RELCH: variants seen among roughly 807,000 people sequenced by gnomAD.
The protein encoded by RELCH is RAB11 binding and LisH domain, coiled-coil and HEAT repeat containing, also known as RAB11-binding protein RELCH.
Under a neutral mutation model 150.3 loss-of-function variants are expected in RELCH, and 41 were observed. The observed-to-expected ratio is 0.27, with a 90% confidence interval of 0.21 to 0.35. The LOEUF is 0.35. RELCH is among the 10% of genes least tolerant of loss of function. The pLI is 1.00. For missense variants in RELCH, 1,092 were observed against 1,467.8 expected (o/e 0.74, Z 4.18); for synonymous variants, 478 against 531.8 (o/e 0.90, Z 1.39).
chr18:62,282,401 T>C lies in RELCH; in HGVS notation c.3210T>C (p.Phe1070=). ...TGCATACAGAGATCATAAAAACATT[T>C]GGTAGAGTTGGCCCTAACGCAGAAC... ...HSLHTEIIKT[F]GRVGPNAEPR... The change falls in exon 25 of 29, where the codon TTT becomes TTC. Residue 1070 remains phenylalanine, a synonymous_variant. Transcript: ENST00000644646. 1.2e-6 allele frequency: 2 copies of C among 1,612,992 alleles called. No individual in the cohort carries two copies. Among genetic ancestry groups the C allele is most frequent in the Non-Finnish European group, 1.7e-6 (2 of 1,179,688 alleles).
chr18:62,244,587 CA>C (rs1181580887), intron 10 of RELCH, among the ~76,000 whole-genome samples, 176 bp from the exon 11 acceptor site: 1 of 152,186 alleles, frequency 6.6e-6, no homozygotes, highest in East Asian at 1.9e-4. Flanking sequence ...ACAACCAACA[CA>C]TAAACGTTTT....
chr18:62,207,731 G>C (rs1029386828), intron 1 of RELCH, among the ~76,000 whole-genome samples: 3 of 152,106 alleles, frequency 2.0e-5, no homozygotes, highest in Non-Finnish European at 2.9e-5. Context: ...GTGGTTCTCT[G>C]TGCATTTACA....
At chr18:62,206,852 A>G (rs1339526019) in intron 1 of RELCH, among the ~76,000 whole-genome samples, 4 of 131,196 alleles carry the variant, frequency 3.0e-5, no homozygotes, top group Non-Finnish European at 6.1e-5. Flanking sequence ...CTATTCATAC[A>G]CAACTTGTCC....
chr18:62,201,089 T>G (rs2039411561), intron 1 of RELCH, among the ~76,000 whole-genome samples: 1 of 144,492 alleles, frequency 6.9e-6, no homozygotes, highest in Non-Finnish European at 1.5e-5. Context: ...TTCTCCTGCC[T>G]CAGCCTCCCA....
rs918725237 is a variant in RELCH at position 62,308,956 on chromosome 18, CT to C, written c.*3423del. On this transcript the variant is annotated 3_prime_UTR_variant, in exon 29 of 29. Coordinates refer to ENST00000644646, the MANE Select transcript of RELCH (RefSeq NM_001346231.2). ...TCAGTACATTAAAAAGAAATAGAGA[CT>C]GGCCGGGCACGGTGGCTCATGCCTG... 1 of 151,812 alleles carries C rather than the reference CT, an allele frequency of 6.6e-6. No homozygotes were observed. The highest frequency in any genetic ancestry group is 2.4e-5 in the African/African-American group (1 of 41,364). The allele number at this position is 151,812 out of a possible 1,614,324, so 9.4% of individuals were successfully genotyped here.
At position 62,274,119 on chromosome 18, in the gene RELCH, G is replaced by A. The variant is rs147595482; in HGVS notation, c.2867+33G>A. On this transcript the variant is annotated intron_variant, in intron 21 of 28. Coordinates refer to ENST00000644646, the MANE Select transcript of RELCH (RefSeq NM_001346231.2). ...ATAACAGCTTATAGTTTGCTAAAAG[G>A]CATATAAAGTTTTTAGATTGGATTT... The A allele has an allele frequency of 3.0e-4, 424 of 1,392,004 alleles. 1 individual carries two copies. In the African/African-American group the frequency reaches 5.3e-3, roughly 17 times the overall value. 86.2% of individuals were successfully genotyped at this position (1,392,004 alleles called of 1,614,324 possible). A position where few individuals can be genotyped will look rare whatever the true frequency, so the allele number is the denominator to read the frequency against.
chr18:62,253,703 G>C (rs1044371150), intron 12 of RELCH, among the ~76,000 whole-genome samples: 1 of 151,962 alleles, frequency 6.6e-6, no homozygotes, highest in Non-Finnish European at 1.5e-5. Flanking sequence ...AAATAAAGTA[G>C]AAACCCTAGA....
intron 28 of RELCH, among the ~76,000 whole-genome samples, chr18:62,302,718 T>A (rs2045719411): frequency 6.6e-6 from 1 of 151,894 alleles, no homozygotes; most frequent in African/African-American, 2.4e-5. Context: ...AGAGAGGGGG[T>A]TTCACCATGT....
chr18:62,220,781 C>A (rs896706937), intron 2 of RELCH: 1 of 468,350 alleles, frequency 2.1e-6, no homozygotes. Context: ...TTAAATAGAG[C>A]TATTCCTTGT....
chr18:62,303,161 A>G (rs1020285537), intron 28 of RELCH, among the ~76,000 whole-genome samples: 2 of 146,526 alleles, frequency 1.4e-5, no homozygotes, highest in East Asian at 1.9e-4. Flanking sequence ...CTGTAATGCA[A>G]TGATTTTTTT....
intron 2 of RELCH, among the ~76,000 whole-genome samples, chr18:62,211,995 A>G (rs2040201632): frequency 6.6e-6 from 1 of 152,172 alleles, no homozygotes; most frequent in Non-Finnish European, 1.5e-5. Flanking sequence ...AAGAAGGACA[A>G]CATCCTTTTT....
chr18:62,284,451 T>C (rs747694206), intron 25 of RELCH: 1 of 152,218 alleles, frequency 6.6e-6, no homozygotes, highest in Non-Finnish European at 1.5e-5. Context: ...GTATGTCTTA[T>C]ACAGTCTTCT....
intron 22 of RELCH, among the ~76,000 whole-genome samples, chr18:62,277,427 T>A (rs1257448880): frequency 6.6e-6 from 1 of 152,108 alleles, no homozygotes; most frequent in African/African-American, 2.4e-5. Flanking sequence ...TCCTTTTTTG[T>A]CAGTGGTTCT....
At chr18:62,224,735 T>C (rs115312631) in intron 5 of RELCH, among the ~76,000 whole-genome samples, 25 of 152,180 alleles carry the variant, frequency 1.6e-4, no homozygotes, top group African/African-American at 5.5e-4. Context: ...TTGAGATAAA[T>C]TAAAGAGATT....
At chr18:62,226,296 AGTTGCTGTGCTTTTTT>A (rs2041214538) in intron 5 of RELCH, among the ~76,000 whole-genome samples, 1 of 152,140 alleles carries the variant, frequency 6.6e-6, no homozygotes, top group Non-Finnish European at 1.5e-5. Flanking sequence ...AGAATGCTTA[AGTTGCTGTGCTTTTTT>A]GTACTTTTAA....
At chr18:62,303,064 A>G (rs1161498837) in intron 28 of RELCH, among the ~76,000 whole-genome samples, 1 of 151,992 alleles carries the variant, frequency 6.6e-6, no homozygotes, top group Non-Finnish European at 1.5e-5. Flanking sequence ...AGTCTTTATC[A>G]TCTGGTAGAG....
In RELCH at chr18:62,188,096, G is replaced by T. The variant is rs1400229608; in HGVS notation, c.526+65G>T. 1.4e-6 allele frequency: 2 copies of T among 1,447,082 alleles called. No homozygotes were observed. The highest frequency in any genetic ancestry group is 1.8e-6 in the Non-Finnish European group (2 of 1,095,288). The allele number at this position is 1,447,082 out of a possible 1,614,324, so 89.6% of individuals were successfully genotyped here. On this transcript the variant is annotated intron_variant, in intron 1 of 28. Transcript: ENST00000644646. Reference sequence around the variant, plus strand: ...GGGATTGTACGGAGTTACTGTAGGGGAGAGGGGGTATTTCTGCGTGGGTCC... The same window carrying T: ...GGGATTGTACGGAGTTACTGTAGGGTAGAGGGGGTATTTCTGCGTGGGTCC...
intron 1 of RELCH, among the ~76,000 whole-genome samples, chr18:62,197,159 A>G (rs2039105284): frequency 6.6e-6 from 1 of 152,214 alleles, no homozygotes; most frequent in Non-Finnish European, 1.5e-5. Context: ...CCTGCTTACC[A>G]TCATCTGCTT....
chr18:62,229,587 A>G (rs2041442110), intron 8 of RELCH, among the ~76,000 whole-genome samples: 2 of 151,698 alleles, frequency 1.3e-5, no homozygotes, highest in South Asian at 2.1e-4. Flanking sequence ...CTCAAACCTT[A>G]TAGTATGAGA....
Sources: gnomAD v4.1 joint callset for allele counts (sites outside exome capture counted in the v4.1 genomes callset) on GRCh38, gnomAD v4.1.1 for gene constraint, MANE v1.5 for transcripts, NCBI Gene and HGNC (gene_info 2026-07-23, HGNC 2026-07-21) for gene names.